The following TRPS1 variants were observed in gnomAD, a reference collection of about 807,000 sequenced individuals.
The protein encoded by TRPS1 is transcriptional repressor GATA binding 1, also known as zinc finger transcription factor Trps1.
TRPS1 carries 6 observed loss-of-function variants against 101.2 expected under a neutral mutation model. That is an observed-to-expected ratio of 0.06 (90% CI 0.03 to 0.12). The LOEUF (loss-of-function observed/expected upper bound fraction) is 0.12. Among genes scored for constraint, TRPS1 ranks in the 10% least tolerant of loss-of-function variants. The pLI, the probability that TRPS1 is intolerant of heterozygous loss-of-function variation, is 1.00. For missense variants in TRPS1, 1,363 were observed against 1,567.0 expected (o/e 0.87, Z 2.20); for synonymous variants, 578 against 589.8 (o/e 0.98, Z 0.29).
chr8:115,472,011 G>A (rs1814483158), intron 5 of TRPS1, among the ~76,000 whole-genome samples: 1 of 152,312 alleles, frequency 6.6e-6, no homozygotes, highest in African/African-American at 2.4e-5. Flanking sequence ...TAGGCAACTG[G>A]TGCAAGCTGT....
intron 1 of TRPS1, among the ~76,000 whole-genome samples, chr8:115,651,796 G>T (rs987229590): frequency 2.6e-5 from 4 of 152,080 alleles, no homozygotes; most frequent in African/African-American, 9.7e-5. Context: ...TCATAAGGAG[G>T]GAAGAATATG....
chr8:115,609,340 A>G (rs1358973237), intron 3 of TRPS1, among the ~76,000 whole-genome samples: 2 of 152,208 alleles, frequency 1.3e-5, no homozygotes, highest in African/African-American at 4.8e-5. Flanking sequence ...ACTTGTCACT[A>G]TCAATATTCT....
intron 5 of TRPS1, among the ~76,000 whole-genome samples, chr8:115,580,246 ATAT>A (rs1458643087): frequency 8.0e-4 from 89 of 110,688 alleles, no homozygotes; most frequent in African/African-American, 3.5e-3. Flanking sequence ...AAAAAAAAAA[ATAT>A]ATATATATAT....
intron 3 of TRPS1, among the ~76,000 whole-genome samples, chr8:115,611,434 A>G (rs1183536359): frequency 2.0e-5 from 3 of 152,244 alleles, no homozygotes; most frequent in Non-Finnish European, 4.4e-5. Flanking sequence ...AAAGAATGAC[A>G]TAGTCAAAAA....
intron 5 of TRPS1, among the ~76,000 whole-genome samples, chr8:115,517,407 T>C (rs1815741443): frequency 6.6e-6 from 1 of 151,532 alleles, no homozygotes; most frequent in Non-Finnish European, 1.5e-5. Context: ...GTTGGGAACT[T>C]ATTCCTCATG....
chr8:115,412,658 GTT>G lies in TRPS1; in HGVS notation c.*1363_*1364del, dbSNP rs1475767948. ...CTCCGTGGCAAAAAATAAACTACTG[GTT>G]GGGACAATATAATGCAAATTATTAA... On this transcript the variant is annotated 3_prime_UTR_variant, in exon 7 of 7. Coordinates refer to ENST00000395715, the MANE Select transcript of TRPS1 (RefSeq NM_014112.5). 6.6e-6 allele frequency: 1 copy of G among 152,396 alleles called. No homozygotes were observed. The highest frequency in any genetic ancestry group is 6.6e-5 in the Admixed American group (1 of 15,248). The allele number at this position is 152,396 out of a possible 1,614,324, so 9.4% of individuals were successfully genotyped here. A position where few individuals can be genotyped will look rare whatever the true frequency, so the allele number is the denominator to read the frequency against.
intron 5 of TRPS1, among the ~76,000 whole-genome samples, chr8:115,475,547 A>ACT (rs1650043449): frequency 1.3e-5 from 2 of 152,022 alleles, no homozygotes; most frequent in African/African-American, 4.8e-5. Context: ...GCTGAATACA[A>ACT]TTTTTTTAAA....
At chr8:115,465,899 A>T (rs896576251) in intron 5 of TRPS1, among the ~76,000 whole-genome samples, 1 of 152,118 alleles carries the variant, frequency 6.6e-6, no homozygotes, top group Non-Finnish European at 1.5e-5. Flanking sequence ...TATGTATTTT[A>T]AAAAACAATA....
At chr8:115,530,934 G>C (rs1816113653) in intron 5 of TRPS1, among the ~76,000 whole-genome samples, 1 of 152,044 alleles carries the variant, frequency 6.6e-6, no homozygotes, top group Admixed American at 6.6e-5. Context: ...CTGTCATGGG[G>C]TGGGGGAAGG....
rs1236979371 is a variant in TRPS1 at position 115,412,575 on chromosome 8, C to A, written c.*1448G>T. The A allele has an allele frequency of 6.6e-6, 1 of 152,330 alleles. No individual in the cohort carries two copies. The highest frequency in any genetic ancestry group is 2.4e-5 in the African/African-American group (1 of 41,376). The allele number at this position is 152,330 out of a possible 1,614,324, so 9.4% of individuals were successfully genotyped here. A position where few individuals can be genotyped will look rare whatever the true frequency, so the allele number is the denominator to read the frequency against. On this transcript the variant is annotated 3_prime_UTR_variant, in exon 7 of 7. Transcript: ENST00000395715. ...TTTTTCCTATTTGTTCTCCCAACTT[C>A]TTTAATGAAATAAGTTAATCTGACA... is the stretch of plus-strand genomic sequence containing the variant.
At chr8:115,514,621 G>C (rs1815666213) in intron 5 of TRPS1, among the ~76,000 whole-genome samples, 1 of 151,288 alleles carries the variant, frequency 6.6e-6, no homozygotes, top group Non-Finnish European at 1.5e-5. Flanking sequence ...ATAGAACTAA[G>C]CCTTCCATGC....
rs534717371 is a variant in TRPS1 at position 115,635,289 on chromosome 8, A to T, written c.-121-11531T>A. Among the ~76,000 whole-genome samples, 5 of 151,910 alleles carry T rather than the reference A, an allele frequency of 3.3e-5. No individual in the cohort carries two copies. The East Asian group carries it at 9.7e-4, about 29-fold the overall frequency. The stretch of plus-strand genomic sequence containing the variant: ...ATTATCCAAACAAGCTGATATGAGA[A>T]TTTTTTTTTCCCCAGAAACCAAGGT... On this transcript the variant is annotated intron_variant, in intron 1 of 6. Coordinates refer to ENST00000395715, the MANE Select transcript of TRPS1 (RefSeq NM_014112.5).
At chr8:115,638,166 G>A (rs747009328) in intron 1 of TRPS1, among the ~76,000 whole-genome samples, 7 of 151,998 alleles carry the variant, frequency 4.6e-5, no homozygotes, top group Non-Finnish European at 1.0e-4. Context: ...CTATAAAAAC[G>A]GAGACTTGAC....
chr8:115,504,861 C>T (rs1400617753), intron 5 of TRPS1, among the ~76,000 whole-genome samples: 1 of 152,100 alleles, frequency 6.6e-6, no homozygotes, highest in Admixed American at 6.5e-5. Context: ...AATGAAAACT[C>T]TTGTTTAGGT....
chr8:115,666,669 C>G (rs1377315487), intron 1 of TRPS1, among the ~76,000 whole-genome samples: 1 of 152,166 alleles, frequency 6.6e-6, no homozygotes, highest in Non-Finnish European at 1.5e-5. Flanking sequence ...AGGAAAGTAA[C>G]ATGATGCCAG....
chr8:115,667,839 G>A (rs1464309140), intron 1 of TRPS1: 2 of 1,535,186 alleles, frequency 1.3e-6, no homozygotes, highest in South Asian at 1.2e-5. Flanking sequence ...CCGTCTCTGA[G>A]ACCCTCCCGA....
chr8:115,478,854 T>C (rs1254411832), intron 5 of TRPS1, among the ~76,000 whole-genome samples: 1 of 123,136 alleles, frequency 8.1e-6, no homozygotes, highest in African/African-American at 5.4e-5. Flanking sequence ...TATATATGTA[T>C]ATATGTGTAT....
intron 5 of TRPS1, chr8:115,515,230 G>T (rs962913121): frequency 1.0e-5 from 7 of 697,350 alleles, no homozygotes; most frequent in Non-Finnish European, 1.8e-5. Context: ...TGGAGATCTG[G>T]TTTTCTCAAA....
intron 5 of TRPS1, among the ~76,000 whole-genome samples, chr8:115,444,026 G>T (rs1266508618): frequency 6.6e-6 from 1 of 152,188 alleles, no homozygotes; most frequent in Non-Finnish European, 1.5e-5. Context: ...ATTATTTAGA[G>T]AAAAGCAACC....
Sources: allele counts gnomAD v4.1 joint callset (sites outside exome capture counted in the v4.1 genomes callset), GRCh38; gene constraint gnomAD v4.1.1; transcripts MANE v1.5; gene names NCBI Gene and HGNC (gene_info 2026-07-23, HGNC 2026-07-21).